Variants in PFKFB3 observed in about 807,000 individuals in gnomAD.
PFKFB3 encodes the protein 6-phosphofructo-2-kinase/fructose-2,6-bisphosphatase 3.
PFKFB3 carries 33 observed loss-of-function variants against 68.0 expected under a neutral mutation model. The observed-to-expected ratio is 0.49, with a 90% CI of 0.37 to 0.65. PFKFB3 has a LOEUF of 0.65. Among genes scored for constraint, PFKFB3 ranks in the 30% least tolerant of loss-of-function variants. PFKFB3 has a pLI of 0.00. For synonymous variants in PFKFB3, 315 were observed against 288.2 expected (o/e 1.09, Z -0.94); for missense variants, 586 against 712.2 (o/e 0.82, Z 2.02).
At chr10:6,219,352 G>A (rs1262263511) in intron 6 of PFKFB3, among the ~76,000 whole-genome samples, 3 of 152,142 alleles carry the variant, frequency 2.0e-5, no homozygotes, top group South Asian at 2.1e-4. Context: ...CTGTCCTTCC[G>A]GCTTCAGTTC....
chr10:6,213,879 C>A, intron 2 of PFKFB3, 131 bp downstream of exon 2: 1 of 905,836 alleles, frequency 1.1e-6, no homozygotes, highest in Non-Finnish European at 1.7e-6. Flanking sequence ...ATCCTGCCTC[C>A]CATGCAGCTG....
rs190577173 is a variant in PFKFB3, at chr10:6,205,021, C to A, written c.76+1685C>A. 2.2e-3 allele frequency among the ~76,000 whole-genome samples: 333 copies of A among 152,300 alleles called. 3 individuals carry two copies. The highest frequency in any genetic ancestry group is 2.7e-3 in the Non-Finnish European group (182 of 68,018). On this transcript the variant is annotated intron_variant, in intron 1 of 14. Transcript: ENST00000379775. Reference sequence around the variant, plus strand: ...AGGCTTGGATCCTGATCCATTAGACCCCATCAACCTGCACGTCTCACACGC... The same window carrying A: ...AGGCTTGGATCCTGATCCATTAGACACCATCAACCTGCACGTCTCACACGC...
At chr10:6,183,349 C>T (rs1488579492) in intron 1 of PFKFB3, among the ~76,000 whole-genome samples, 1 of 152,104 alleles carries the variant, frequency 6.6e-6, no homozygotes, top group Non-Finnish European at 1.5e-5. Context: ...AAAACACCTC[C>T]AGCTCCACTA....
the PFKFB3 span, among the ~76,000 whole-genome samples, chr10:6,273,945 C>G: frequency 7.2e-5 from 11 of 152,144 alleles, 2 homozygotes; most frequent in Admixed American, 6.6e-4. Flanking sequence ...ACAGCTCATT[C>G]CCATAATCTC....
At chr10:6,183,509 C>T (rs1842776084) in intron 1 of PFKFB3, among the ~76,000 whole-genome samples, 2 of 151,488 alleles carry the variant, frequency 1.3e-5, no homozygotes, top group Non-Finnish European at 2.9e-5. Context: ...TGGAGTCTGG[C>T]CTGGTGTGGT....
In PFKFB3 at chr10:6,212,754, C is replaced by T. The variant is rs796103228; in HGVS notation, c.77-869C>T. Among the ~76,000 whole-genome samples the T allele has an allele frequency of 2.6e-5, 4 of 152,226 alleles. No homozygotes were observed. In the South Asian group the frequency reaches 6.2e-4, roughly 24 times the overall value. ...GTCTCAAGTGATCCTCTTGCCTCGG[C>T]CTCCCAAAGGGCTGGGATCACAGGC... On this transcript the variant is annotated intron_variant, in intron 1 of 14. Transcript: ENST00000379775.
At chr10:6,187,213 T>TAAAAAAC (rs1842891808) in intron 1 of PFKFB3, among the ~76,000 whole-genome samples, 2 of 76,590 alleles carry the variant, frequency 2.6e-5, no homozygotes, top group South Asian at 3.7e-4. Context: ...AAAAAAAAAT[T>TAAAAAAC]AGCTGGACAT....
the PFKFB3 span, among the ~76,000 whole-genome samples, chr10:6,286,567 G>A: frequency 5.9e-5 from 9 of 151,870 alleles, no homozygotes; most frequent in African/African-American, 1.2e-4. Context: ...TAGTAAAGAT[G>A]GGGTCTCACT....
chr10:6,149,838 T>G (rs1442599111), intron 1 of PFKFB3: 1 of 152,820 alleles, frequency 6.5e-6, no homozygotes, highest in African/African-American at 2.4e-5. Context: ...ACTCCCCTGC[T>G]AGAACCTCCA....
rs1845920428 is a variant in PFKFB3, at chr10:6,234,564, CTG to C, written c.*1624_*1625del. ...CTGGCGTCTGCTGGAGAGGATGTCT[CTG>C]TCCGCATTCCCGTGCAGCTCCAGGC... is the stretch of plus-strand genomic sequence containing the variant. On this transcript the variant is annotated 3_prime_UTR_variant, in exon 15 of 15. Transcript: ENST00000379775. 1 of 152,310 alleles carries C rather than the reference CTG, an allele frequency of 6.6e-6. No individual in the cohort carries two copies. The allele number at this position is 152,310 out of a possible 1,614,324, so 9.4% of individuals were successfully genotyped here.
At chr10:6,285,350 C>T in the PFKFB3 span, among the ~76,000 whole-genome samples, 3 of 151,894 alleles carry the variant, frequency 2.0e-5, no homozygotes, top group Non-Finnish European at 4.4e-5. Flanking sequence ...TGTCCTGCCT[C>T]AGCCTCCTGA....
At chr10:6,213,842 G>A (rs935766709) in intron 2 of PFKFB3, 94 bp downstream of exon 2, 14 of 1,397,014 alleles carry the variant, frequency 1.0e-5, no homozygotes, top group Middle Eastern at 1.8e-4. Context: ...ACCCCTGGGC[G>A]CCTCTGTCCC....
the PFKFB3 span, among the ~76,000 whole-genome samples, chr10:6,290,650 C>T: frequency 6.6e-6 from 1 of 152,034 alleles, no homozygotes; most frequent in Non-Finnish European, 1.5e-5. Flanking sequence ...AGGCACCCAC[C>T]ACCATGCCCA....
At chr10:6,242,704 C>T (rs908946444) in intron 14 of PFKFB3, among the ~76,000 whole-genome samples, 2 of 152,126 alleles carry the variant, frequency 1.3e-5, no homozygotes, top group Non-Finnish European at 2.9e-5. Flanking sequence ...TCTCCTGCCT[C>T]TGCCTCTCAG....
the PFKFB3 span, among the ~76,000 whole-genome samples, chr10:6,292,409 C>T: frequency 1.3e-5 from 2 of 149,310 alleles, no homozygotes; most frequent in East Asian, 2.0e-4. Context: ...CTCAGCCTCC[C>T]GAGTAGCTGG....
intron 1 of PFKFB3, among the ~76,000 whole-genome samples, chr10:6,186,187 G>A (rs903619260): frequency 2.0e-5 from 3 of 152,084 alleles, no homozygotes; most frequent in Non-Finnish European, 2.9e-5. Flanking sequence ...GTTTGTATTA[G>A]CATTTTAATG....
chr10:6,239,028 A>G (rs1846085595), downstream of PFKFB3, among the ~76,000 whole-genome samples: 1 of 152,168 alleles, frequency 6.6e-6, no homozygotes, highest in South Asian at 2.1e-4. Flanking sequence ...TGCAATGAAC[A>G]TACGCGTGCA....
intron 1 of PFKFB3, among the ~76,000 whole-genome samples, chr10:6,165,066 G>C (rs668796): frequency 0.2 from 30,048 of 152,016 alleles, 3,407 homozygotes; most frequent in Non-Finnish European, 0.26. Context: ...GGCACGGTCA[G>C]GTCTTTCCCT....
intron 1 of PFKFB3, among the ~76,000 whole-genome samples, chr10:6,185,336 A>T (rs968571176): frequency 6.6e-6 from 1 of 152,178 alleles, no homozygotes; most frequent in Non-Finnish European, 1.5e-5. Flanking sequence ...CCGCTTACTC[A>T]CAGTGGCAGG....
Sources: allele counts gnomAD v4.1 joint callset (sites outside exome capture counted in the v4.1 genomes callset), GRCh38; gene constraint gnomAD v4.1.1; transcripts MANE v1.5; gene names NCBI Gene and HGNC (gene_info 2026-07-23, HGNC 2026-07-21).